ANKMY1: variants seen among roughly 807,000 people sequenced by gnomAD.
ANKMY1 encodes the protein ankyrin repeat and MYND domain-containing protein 1.
Under a neutral mutation model 102.0 loss-of-function variants are expected in ANKMY1, and 98 were observed. That is an observed-to-expected ratio of 0.96 (90% CI 0.82 to 1.14). The LOEUF (loss-of-function observed/expected upper bound fraction) is 1.14, where lower values mean the gene tolerates loss of function less well. Among genes scored for constraint, ANKMY1 ranks in the 50% most tolerant of loss-of-function variants. The pLI is 0.00. For missense variants in ANKMY1, 1,330 were observed against 1,347.6 expected (o/e 0.99, Z 0.20); for synonymous variants, 582 against 559.9 (o/e 1.04, Z -0.56).
At chr2:240,547,262 A>G (rs1293820415) in intron 4 of ANKMY1, among the ~76,000 whole-genome samples, 9 of 152,352 alleles carry the variant, frequency 5.9e-5, no homozygotes, top group Admixed American at 2.6e-4. Context: ...CTGAATGACT[A>G]CTGGGTACAT....
chr2:240,511,335 C>G (rs1450652838), intron 11 of ANKMY1, among the ~76,000 whole-genome samples: 3 of 152,278 alleles, frequency 2.0e-5, no homozygotes, highest in Non-Finnish European at 4.4e-5. Flanking sequence ...TGGGCTGCAT[C>G]TGCTGCCACA....
rs569012158 is a variant in ANKMY1 at position 240,551,308 on chromosome 2, C to T, written c.480+1606G>A. ...AAAATTTGAGTCATATTTCTCTCTG[C>T]CTAATTTCTCCAGAATTTTTAAACT... On this transcript the variant is annotated intron_variant, in intron 4 of 17. Coordinates refer to ENST00000401804, the MANE Select transcript of ANKMY1 (RefSeq NM_001282771.3). Among the ~76,000 whole-genome samples the T allele has an allele frequency of 2.0e-5, 3 of 152,244 alleles. No individual in the cohort carries two copies. In the South Asian group the frequency reaches 6.2e-4, roughly 32 times the overall value.
rs990680638 is a variant in ANKMY1 at position 240,520,211 on chromosome 2, C to G, written c.2004+151G>C. 2 of 1,168,218 alleles carry G rather than the reference C, an allele frequency of 1.7e-6. No homozygotes were observed. Among genetic ancestry groups the G allele is most frequent in the Non-Finnish European group, 2.5e-6 (2 of 800,274 alleles). The allele number at this position is 1,168,218 out of a possible 1,614,324, so 72.4% of individuals were successfully genotyped here. Reference sequence around the variant, plus strand: ...TGAAAGAGCGGGCTGTGGGACCCCCCACTGCGGCGCGCCGTCATCACTCAC... The same window carrying G: ...TGAAAGAGCGGGCTGTGGGACCCCCGACTGCGGCGCGCCGTCATCACTCAC... On this transcript the variant is annotated intron_variant, in intron 9 of 17. Transcript: ENST00000401804. The surrounding 1 kb of genome is among the most constrained non-coding windows in gnomAD (Gnocchi z 4.8).
chr2:240,483,000 T>A lies in ANKMY1; in HGVS notation c.2807-739A>T, dbSNP rs187879586. 1.8e-3 allele frequency among the ~76,000 whole-genome samples: 275 copies of A among 152,338 alleles called. 1 individual carries two copies. The highest frequency in any genetic ancestry group is 3.4e-3 in the Non-Finnish European group (230 of 68,022). ...TGCATATGGGTTTATAATTGTTACA[T>A]CTTCCTAACTGATGATCCTTTTATC... On this transcript the variant is annotated intron_variant, in intron 15 of 17. Coordinates refer to ENST00000401804, the MANE Select transcript of ANKMY1 (RefSeq NM_001282771.3).
rs148230456 is a variant in ANKMY1 at position 240,494,726 on chromosome 2, C to T, written c.2806+5232G>A. Among the ~76,000 whole-genome samples the T allele has an allele frequency of 4.0e-3, 604 of 152,020 alleles. 3 individuals are homozygous for T. The highest frequency in any genetic ancestry group is 0.013 in the African/African-American group (535 of 41,464). On this transcript the variant is annotated intron_variant, in intron 15 of 17. Coordinates refer to ENST00000401804, the MANE Select transcript of ANKMY1 (RefSeq NM_001282771.3). ...CATCCCACAGTCTCCTGGAAGCTTC[C>T]TATATTCGCTTCAAGGGTTGGGAGG... is the stretch of plus-strand genomic sequence containing the variant.
chr2:240,543,910 GT>G (rs1490901730), intron 4 of ANKMY1, among the ~76,000 whole-genome samples: 1 of 152,150 alleles, frequency 6.6e-6, no homozygotes, highest in African/African-American at 2.4e-5. Flanking sequence ...ACATCTGATA[GT>G]TTGGGATTTC....
intron 4 of ANKMY1, among the ~76,000 whole-genome samples, chr2:240,541,121 C>T (rs2088652021): frequency 6.6e-6 from 1 of 152,212 alleles, no homozygotes; most frequent in Non-Finnish European, 1.5e-5. Flanking sequence ...TCAGTATGGA[C>T]ACTCCTGAGG....
At position 240,511,963 on chromosome 2, in the gene ANKMY1, C is replaced by A. The variant is rs551446759; in HGVS notation, c.2184G>T (p.Glu728Asp). The A allele has an allele frequency of 2.6e-6, 4 of 1,564,588 alleles. No homozygotes were observed. The highest frequency in any genetic ancestry group is 3.4e-6 in the Non-Finnish European group (4 of 1,163,954). Residue 728 changes from glutamate (E) to aspartate (D), a missense_variant, in exon 11 of 18, where the codon GAG (glutamate) becomes GAT (aspartate). By Grantham distance (45) the Glu-to-Asp change is conservative (BLOSUM62 2). Transcript: ENST00000401804. Reference protein sequence around the residue: ...LLPSSLKLSNEPGPPQAYYST... With the variant: ...LLPSSLKLSNDPGPPQAYYST... ...TGTAGTAGGCTTGGGGAGGGCCTGG[C>A]TCATTGCTGAGCTTCAGACTTGAGG...
chr2:240,559,545 C>A (rs1263369583), upstream of ANKMY1, among the ~76,000 whole-genome samples: 1 of 152,146 alleles, frequency 6.6e-6, no homozygotes, highest in Non-Finnish European at 1.5e-5. Context: ...TCCTAGAAAG[C>A]GGAGGGAGAC....
chr2:240,470,073 C>T, the ANKMY1 span, among the ~76,000 whole-genome samples: 5 of 152,224 alleles, frequency 3.3e-5, no homozygotes, highest in African/African-American at 7.2e-5. Context: ...CAGACACACC[C>T]GTGGGTGCAC....
At chr2:240,548,729 C>T (rs1205590208) in intron 4 of ANKMY1, among the ~76,000 whole-genome samples, 2 of 150,980 alleles carry the variant, frequency 1.3e-5, no homozygotes, top group African/African-American at 4.9e-5. Context: ...AACAGACAAA[C>T]AGAGAGCCAA....
At chr2:240,554,482 T>C (rs1043137885) in intron 3 of ANKMY1, 1 of 175,594 alleles carries the variant, frequency 5.7e-6, no homozygotes, top group African/African-American at 2.4e-5. Flanking sequence ...GGACCTAGCC[T>C]GGGGGTGCAA....
intron 14 of ANKMY1, 74 bp downstream of exon 14, chr2:240,500,378 G>A: frequency 6.9e-7 from 1 of 1,452,958 alleles, no homozygotes; most frequent in Admixed American, 1.9e-5. Context: ...CCCCAGAGAA[G>A]CTAATGCCCC....
At chr2:240,519,912 A>AT (rs1028239158) in intron 9 of ANKMY1, 20 of 263,378 alleles carry the variant, frequency 7.6e-5, no homozygotes, top group Middle Eastern at 1.6e-3. Flanking sequence ...CCCTTCGAAG[A>AT]TTTTTTCTCA....
At position 240,525,690 on chromosome 2, in the gene ANKMY1, G is replaced by C; in HGVS notation, c.1330C>G (p.Pro444Ala). Residue 444 changes from proline to alanine, a missense_variant, in exon 7 of 18, where the codon CCC (proline) becomes GCC (alanine). Physicochemically the swap from Pro to Ala is conservative, Grantham distance 27. Coordinates refer to ENST00000401804, the MANE Select transcript of ANKMY1 (RefSeq NM_001282771.3). ...PNVAERTIPE[P>A]QEPPKFPVVP... ...GTGGCCACCGGGGGGCTTACCTGGG[G>C]CTCAGGTATGGTCCGTTCAGCAACA... 6.2e-7 allele frequency: 1 copy of C among 1,613,880 alleles called. No homozygotes were observed. Among genetic ancestry groups the C allele is most frequent in the Non-Finnish European group, 8.5e-7 (1 of 1,179,898 alleles).
chr2:240,534,052 T>C (rs1453828362), intron 4 of ANKMY1, among the ~76,000 whole-genome samples: 1 of 152,250 alleles, frequency 6.6e-6, no homozygotes, highest in African/African-American at 2.4e-5. Flanking sequence ...TCCTGCCTAG[T>C]CCTGCCTGAG....
At chr2:240,555,189 C>A in intron 2 of ANKMY1, 134 bp from the exon 3 acceptor site, 1 of 913,816 alleles carries the variant, frequency 1.1e-6, no homozygotes, top group South Asian at 1.6e-5. Flanking sequence ...CGCTGCATCC[C>A]CACTCCACTT....
chr2:240,539,984 C>T (rs763192924), intron 4 of ANKMY1, among the ~76,000 whole-genome samples: 6 of 152,202 alleles, frequency 3.9e-5, no homozygotes. Context: ...ACAAAACAGA[C>T]TCTCTATAGC....
intron 1 of ANKMY1, 128 bp downstream of exon 1, chr2:240,557,753 G>C: frequency 8.6e-6 from 4 of 467,038 alleles, no homozygotes; most frequent in Non-Finnish European, 1.1e-5. Context: ...CTAACCCCAC[G>C]CCCCCAGCCC....
Sources: gnomAD v4.1 joint callset for allele counts (sites outside exome capture counted in the v4.1 genomes callset) on GRCh38, gnomAD v4.1.1 for gene constraint, Gnocchi (gnomAD v3.1) non-coding constraint, MANE v1.5 for transcripts, NCBI Gene and HGNC (gene_info 2026-07-23, HGNC 2026-07-21) for gene names.